DPF3: variants seen among roughly 807,000 people sequenced by gnomAD.
The protein encoded by DPF3 is double PHD fingers 3.
DPF3 carries 18 observed loss-of-function variants against 56.8 expected under a neutral mutation model. The ratio of observed to expected loss-of-function variants is 0.32; its 90% CI spans 0.22 to 0.47. DPF3 has a LOEUF of 0.47. Among genes scored for constraint, DPF3 ranks in the 20% least tolerant of loss-of-function variants. The probability of loss-of-function intolerance (pLI) is 1.00; values close to 1 mark genes in which losing one functional copy is unlikely to be tolerated. For synonymous variants in DPF3, 188 were observed against 180.2 expected (o/e 1.04, Z -0.35); for missense variants, 403 against 488.8 (o/e 0.82, Z 1.65).
At chr14:72,720,936 A>G (rs1021956577) in intron 5 of DPF3, among the ~76,000 whole-genome samples, 30 of 152,176 alleles carry the variant, frequency 2.0e-4, no homozygotes, top group African/African-American at 6.3e-4. Flanking sequence ...TTATTTAACA[A>G]TATATCCAAA....
chr14:72,785,145 AT>A (rs1892158304), intron 1 of DPF3, among the ~76,000 whole-genome samples: 1 of 152,274 alleles, frequency 6.6e-6, no homozygotes, highest in South Asian at 2.1e-4. Flanking sequence ...AAATAAAAAA[AT>A]GTTTTAATGA....
chr14:72,656,186 T>C (rs540556547), intron 8 of DPF3, among the ~76,000 whole-genome samples: 1 of 152,224 alleles, frequency 6.6e-6, no homozygotes, highest in Non-Finnish European at 1.5e-5. Context: ...GTTAAACATA[T>C]TGTTAATAAG....
At chr14:72,759,481 C>A (rs1241228781) in intron 2 of DPF3, among the ~76,000 whole-genome samples, 4 of 146,440 alleles carry the variant, frequency 2.7e-5, no homozygotes, top group African/African-American at 1.0e-4. Context: ...GCAGCCTGGG[C>A]AACATAGTAA....
chr14:72,744,794 G>A (rs1472774054), intron 3 of DPF3, among the ~76,000 whole-genome samples: 2 of 152,042 alleles, frequency 1.3e-5, no homozygotes, highest in South Asian at 2.1e-4. Flanking sequence ...CTGAATGTTG[G>A]CATAAATTTT....
intron 8 of DPF3, chr14:72,661,854 C>CTTTTTTTTTTTTTT (rs60114618): frequency 4.3e-6 from 4 of 925,872 alleles, no homozygotes; most frequent in South Asian, 5.1e-5. Context: ...TTTATTTTTG[C>CTTTTTTTTTTTTTT]TTTTTTTTTT....
intron 8 of DPF3, among the ~76,000 whole-genome samples, chr14:72,634,962 CG>C (rs1347308677): frequency 6.6e-6 from 1 of 152,138 alleles, no homozygotes; most frequent in African/African-American, 2.4e-5. Flanking sequence ...TAGTCCTTCC[CG>C]GATGTTCCTC....
At chr14:72,761,748 A>G (rs1482933423) in intron 2 of DPF3, among the ~76,000 whole-genome samples, 1 of 151,892 alleles carries the variant, frequency 6.6e-6, no homozygotes, top group Non-Finnish European at 1.5e-5. Context: ...TAAAGATCAG[A>G]GCAGAAAAAA....
intron 6 of DPF3, among the ~76,000 whole-genome samples, chr14:72,696,195 C>A (rs1567203318): frequency 6.6e-6 from 1 of 152,210 alleles, no homozygotes. Flanking sequence ...CCTCAGCCAC[C>A]TCTGCAGATC....
intron 1 of DPF3, among the ~76,000 whole-genome samples, chr14:72,777,088 G>A (rs938790090): frequency 6.6e-6 from 1 of 152,196 alleles, no homozygotes; most frequent in Non-Finnish European, 1.5e-5. Flanking sequence ...GATAAGCAGA[G>A]CTGAAGAGAA....
chr14:72,614,717 G>T lies in DPF3; in HGVS notation c.*4580C>A, dbSNP rs1883972293. Among the ~76,000 whole-genome samples the T allele has an allele frequency of 7.4e-6, 1 of 135,270 alleles. No individual in the cohort carries two copies. The highest frequency in any genetic ancestry group is 7.9e-5 in the Admixed American group (1 of 12,586). 88.7% of individuals were successfully genotyped at this position (135,270 alleles called of 152,430 possible). Reference sequence around the variant, plus strand: ...AATCAGTGTTCAGAACTGGGCAGAGGTTTGGCCTTTTTACAAAATAATAAT... The same window carrying T: ...AATCAGTGTTCAGAACTGGGCAGAGTTTTGGCCTTTTTACAAAATAATAAT... On this transcript the variant is annotated 3_prime_UTR_variant, in exon 11 of 11. Coordinates refer to ENST00000556509, the MANE Select transcript of DPF3 (RefSeq NM_001280542.3).
At chr14:72,765,871 G>A (rs1180740440) in intron 2 of DPF3, among the ~76,000 whole-genome samples, 1 of 152,044 alleles carries the variant, frequency 6.6e-6, no homozygotes, top group African/African-American at 2.4e-5. Flanking sequence ...CAGAGATTGC[G>A]CCACTGCACT....
At chr14:72,675,469 C>T (rs1329670056) in intron 7 of DPF3, 1 of 152,242 alleles carries the variant, frequency 6.6e-6, no homozygotes, top group Non-Finnish European at 1.5e-5. Context: ...CTGCTGCTGC[C>T]TTTCATTATT....
rs556545248 is a variant in DPF3, at chr14:72,762,837, AAACT to A, written c.193+8892_193+8895del. 3.4e-3 allele frequency among the ~76,000 whole-genome samples: 514 copies of A among 152,116 alleles called. 5 individuals are homozygous for A. The highest frequency in any genetic ancestry group is 0.012 in the African/African-American group (487 of 41,578). On this transcript the variant is annotated intron_variant, in intron 2 of 10. Coordinates refer to ENST00000556509, the MANE Select transcript of DPF3 (RefSeq NM_001280542.3). ...TTTACTATTCAGGTTATCTACTAGC[AAACT>A]AACAGATAATCAACTATATAGAAAA...
intron 1 of DPF3, among the ~76,000 whole-genome samples, chr14:72,893,769 G>C (rs1281839170): frequency 6.6e-6 from 1 of 152,166 alleles, no homozygotes; most frequent in Non-Finnish European, 1.5e-5. Flanking sequence ...GCTGTAGAGC[G>C]CTCGAGCGCC....
At position 72,846,138 on chromosome 14, in the gene DPF3, T is replaced by C. The variant is rs181401275; in HGVS notation, c.32+47919A>G. ...TTTTATTTTATTTTATTTGAGACAG[T>C]CTCCTTCTGTCACCCAGGCCGGAAT... On this transcript the variant is annotated intron_variant, in intron 1 of 10. Transcript: ENST00000556509. 2.9e-3 allele frequency among the ~76,000 whole-genome samples: 432 copies of C among 150,294 alleles called. 7 individuals are homozygous for C. Among genetic ancestry groups the C allele is most frequent in the African/African-American group, 0.01 (412 of 41,012 alleles).
intron 1 of DPF3, among the ~76,000 whole-genome samples, chr14:72,819,940 T>TAAAAAAAAAAAAAAAAAAAA (rs1883459280): frequency 6.6e-6 from 1 of 152,106 alleles, no homozygotes; most frequent in African/African-American, 2.4e-5. Context: ...CTTGTCTTAT[T>TAAAAAAAAAAAAAAAAAAAA]AAAAAACAAA....
At chr14:72,732,025 C>T in intron 3 of DPF3, 91 bp from the exon 4 acceptor site, 1 of 1,488,390 alleles carries the variant, frequency 6.7e-7, no homozygotes. Flanking sequence ...GCCCAGGGCT[C>T]CTGAGGAGGA....
At chr14:72,790,184 C>A (rs140747648) in intron 1 of DPF3, among the ~76,000 whole-genome samples, 1 of 152,006 alleles carries the variant, frequency 6.6e-6, no homozygotes, top group Non-Finnish European at 1.5e-5. Context: ...ACCAGGAACT[C>A]GAGACCAGCC....
At chr14:72,670,211 C>A (rs1886608202) in intron 8 of DPF3, 4 of 986,004 alleles carry the variant, frequency 4.1e-6, no homozygotes, top group South Asian at 9.4e-5. Flanking sequence ...CTCCTTCTAT[C>A]TTCCAGAAGC....
Sources: gnomAD v4.1 joint callset for allele counts (sites outside exome capture counted in the v4.1 genomes callset) on GRCh38, gnomAD v4.1.1 for gene constraint, MANE v1.5 for transcripts, NCBI Gene and HGNC (gene_info 2026-07-23, HGNC 2026-07-21) for gene names.